ITPRID1: variants seen among roughly 807,000 people sequenced by gnomAD.
The protein encoded by ITPRID1 is protein ITPRID1.
Under a neutral mutation model 95.4 loss-of-function variants are expected in ITPRID1, and 96 were observed. That is an observed-to-expected ratio of 1.01 (90% CI 0.85 to 1.19). The LOEUF (loss-of-function observed/expected upper bound fraction) is 1.19. ITPRID1 is among the 50% of genes most tolerant of loss of function. ITPRID1 has a pLI of 0.00. For synonymous variants in ITPRID1, 510 were observed against 453.6 expected (o/e 1.12, Z -1.58); for missense variants, 1,339 against 1,252.9 (o/e 1.07, Z -1.04).
chr7:31,546,663 A>G (rs548198807), intron 1 of ITPRID1, among the ~76,000 whole-genome samples: 21 of 152,308 alleles, frequency 1.4e-4, no homozygotes, highest in African/African-American at 3.8e-4. Flanking sequence ...ATAGTCATTC[A>G]TTCAACAAAT....
intron 10 of ITPRID1, among the ~76,000 whole-genome samples, chr7:31,588,490 G>T (rs1785718809): frequency 6.6e-6 from 1 of 151,784 alleles, no homozygotes; most frequent in African/African-American, 2.4e-5. Flanking sequence ...AATTAGCTGG[G>T]CATGGTGGTG....
At chr7:31,543,737 T>G (rs941494925) in intron 1 of ITPRID1, among the ~76,000 whole-genome samples, 6 of 152,130 alleles carry the variant, frequency 3.9e-5, no homozygotes, top group Non-Finnish European at 8.8e-5. Context: ...CTCTTGACAC[T>G]ATATTTTACA....
chr7:31,556,665 A>G (rs995280003), intron 5 of ITPRID1, among the ~76,000 whole-genome samples: 2 of 152,134 alleles, frequency 1.3e-5, no homozygotes, highest in Admixed American at 6.5e-5. Context: ...TGACAGGGAG[A>G]AAAACTGTGG....
At chr7:31,658,274 A>C, downstream of ITPRID1, 1 of 1,504,410 alleles carries the variant, frequency 6.6e-7, no homozygotes, top group Non-Finnish European at 8.8e-7. Flanking sequence ...CTTATAGGTG[A>C]ATTATTGTCT....
intron 5 of ITPRID1, among the ~76,000 whole-genome samples, chr7:31,566,970 C>A (rs1284393312): frequency 6.6e-6 from 1 of 151,994 alleles, no homozygotes; most frequent in Non-Finnish European, 1.5e-5. Flanking sequence ...CAGAACAGCT[C>A]TTTTTAAATT....
intron 10 of ITPRID1, among the ~76,000 whole-genome samples, chr7:31,615,290 T>TAAGTA (rs1305874491): frequency 6.6e-6 from 1 of 152,178 alleles, no homozygotes; most frequent in African/African-American, 2.4e-5. Context: ...GATCAGGTCA[T>TAAGTA]AAGTATTACT....
chr7:31,517,091 A>C (rs1470802633), intron 1 of ITPRID1, among the ~76,000 whole-genome samples: 2 of 152,214 alleles, frequency 1.3e-5, no homozygotes, highest in Non-Finnish European at 2.9e-5. Flanking sequence ...GAGCGAAAGA[A>C]ACCACCATTC....
intron 14 of ITPRID1, 96 bp from the exon 15 acceptor site, chr7:31,652,422 C>G: frequency 2.0e-6 from 3 of 1,468,460 alleles, no homozygotes; most frequent in South Asian, 2.8e-5. Flanking sequence ...TCTAGAGAAT[C>G]GACCACCTCA....
chr7:31,598,679 A>G (rs967985440), intron 10 of ITPRID1, among the ~76,000 whole-genome samples: 4 of 152,174 alleles, frequency 2.6e-5, no homozygotes, highest in Non-Finnish European at 5.9e-5. Flanking sequence ...CTGGGATTAC[A>G]GGCGTGAGCC....
chr7:31,634,557 T>G (rs111739318), intron 10 of ITPRID1, among the ~76,000 whole-genome samples: 1 of 152,226 alleles, frequency 6.6e-6, no homozygotes, highest in African/African-American at 2.4e-5. Flanking sequence ...CAGACTCCAG[T>G]AGAGCAGGCT....
At chr7:31,647,838 A>C (rs1000902932) in intron 12 of ITPRID1, among the ~76,000 whole-genome samples, 2 of 152,174 alleles carry the variant, frequency 1.3e-5, no homozygotes, top group African/African-American at 4.8e-5. Flanking sequence ...GCAATATATA[A>C]CACTGCAGAT....
intron 1 of ITPRID1, among the ~76,000 whole-genome samples, chr7:31,535,828 TG>T (rs1350746214): frequency 6.6e-6 from 1 of 152,108 alleles, no homozygotes; most frequent in African/African-American, 2.4e-5. Context: ...GGCCTTTTTT[TG>T]CTCCTGATAA....
At chr7:31,573,362 T>G (rs531588626) in intron 7 of ITPRID1, among the ~76,000 whole-genome samples, 2 of 152,036 alleles carry the variant, frequency 1.3e-5, no homozygotes, top group South Asian at 4.2e-4. Context: ...CAATTAAAAA[T>G]TTTAGTTTTT....
intron 10 of ITPRID1, among the ~76,000 whole-genome samples, chr7:31,590,867 G>A (rs1036581492): frequency 3.9e-5 from 6 of 152,176 alleles, no homozygotes; most frequent in Non-Finnish European, 8.8e-5. Context: ...CTTTAAGGTA[G>A]GCACTGTTAC....
intron 12 of ITPRID1, among the ~76,000 whole-genome samples, chr7:31,644,237 G>A (rs1021591276): frequency 2.0e-5 from 3 of 152,186 alleles, no homozygotes; most frequent in Non-Finnish European, 2.9e-5. Context: ...GCATTCATAT[G>A]TCTAAGGTTA....
chr7:31,560,185 G>A (rs1276182355), intron 5 of ITPRID1, among the ~76,000 whole-genome samples: 1 of 152,180 alleles, frequency 6.6e-6, no homozygotes, highest in Non-Finnish European at 1.5e-5. Flanking sequence ...GCAAAGCCAG[G>A]GGCAGGAGTA....
intron 1 of ITPRID1, among the ~76,000 whole-genome samples, chr7:31,535,502 G>A (rs534580558): frequency 6.6e-6 from 1 of 151,986 alleles, no homozygotes; most frequent in Admixed American, 6.6e-5. Context: ...GTATATATGT[G>A]TGTGTGGGTA....
intron 10 of ITPRID1, among the ~76,000 whole-genome samples, chr7:31,586,330 T>C (rs1299367892): frequency 1.3e-5 from 2 of 149,618 alleles, no homozygotes; most frequent in African/African-American, 2.5e-5. Flanking sequence ...AGCAGCATGA[T>C]TTATAGTCCT....
chr7:31,638,888 T>C (rs980506127), intron 10 of ITPRID1, among the ~76,000 whole-genome samples: 1 of 152,164 alleles, frequency 6.6e-6, no homozygotes, highest in Non-Finnish European at 1.5e-5. Context: ...GCAATTCTTT[T>C]GCCTTAGCCT....
Sources: allele counts gnomAD v4.1 joint callset (sites outside exome capture counted in the v4.1 genomes callset), GRCh38; gene constraint gnomAD v4.1.1; transcripts MANE v1.5; gene names NCBI Gene and HGNC (gene_info 2026-07-23, HGNC 2026-07-21).